Variants in STX1A observed in about 807,000 individuals in gnomAD.
STX1A encodes the protein syntaxin 1A.
STX1A carries 4 observed loss-of-function variants against 37.8 expected under a neutral mutation model. That is an observed-to-expected ratio of 0.11 (90% CI 0.05 to 0.24). The LOEUF (loss-of-function observed/expected upper bound fraction) is 0.24. Among genes scored for constraint, STX1A ranks in the 10% least tolerant of loss-of-function variants. The probability of loss-of-function intolerance (pLI) is 1.00; values close to 1 mark genes in which losing one functional copy is unlikely to be tolerated. For missense variants in STX1A, 251 were observed against 399.9 expected (o/e 0.63, Z 3.18); for synonymous variants, 135 against 147.4 (o/e 0.92, Z 0.61).
rs781963447 is a variant in STX1A, at chr7:73,700,385, G to A, written c.*22C>T. ...CTCCTTGGAGTGGCCCACCTGGAGT[G>A]GAGTGGCAGTTTGGGTGGCTTCTAG... is the stretch of plus-strand genomic sequence containing the variant. On this transcript the variant is annotated 3_prime_UTR_variant, in exon 10 of 10. Coordinates refer to ENST00000222812, the MANE Select transcript of STX1A (RefSeq NM_004603.4). This position sits in a 1 kb window ranked among gnomAD's most constrained non-coding sequence, Gnocchi z 4.4. 4.3e-6 allele frequency: 7 copies of A among 1,613,306 alleles called. No homozygotes were observed. Among genetic ancestry groups the A allele is most frequent in the Non-Finnish European group, 5.1e-6 (6 of 1,179,322 alleles).
chr7:73,705,126 C>T lies in STX1A; in HGVS notation c.283+24G>A. 6.2e-7 allele frequency: 1 copy of T among 1,612,316 alleles called. No homozygotes were observed. Among genetic ancestry groups the T allele is most frequent in the Non-Finnish European group, 8.5e-7 (1 of 1,178,350 alleles). On this transcript the variant is annotated intron_variant, in intron 4 of 9. Coordinates refer to ENST00000222812, the MANE Select transcript of STX1A (RefSeq NM_004603.4). The surrounding 1 kb of genome is among the most constrained non-coding windows in gnomAD (Gnocchi z 5.2). ...AAGCAGGCCTAGAATGCCCCCCACC[C>T]ACCCCCAGACAAGCCTGACTCACTC...
rs938670401 is a variant in STX1A, at chr7:73,700,205, G to T, written c.*202C>A. The T allele has an allele frequency of 4.8e-6, 3 of 620,620 alleles. No individual in the cohort carries two copies. The highest frequency in any genetic ancestry group is 8.6e-6 in the Non-Finnish European group (3 of 349,016). 38.4% of individuals were successfully genotyped at this position (620,620 alleles called of 1,614,324 possible). ...TGGCTGCCTCCCTCTGCCTCTTCCCGTACAGACGCACACTCACAGAGATCA... is the reference window on the plus strand; with the variant it reads ...TGGCTGCCTCCCTCTGCCTCTTCCCTTACAGACGCACACTCACAGAGATCA... On this transcript the variant is annotated 3_prime_UTR_variant, in exon 10 of 10. Transcript: ENST00000222812. The surrounding 1 kb of genome is among the most constrained non-coding windows in gnomAD (Gnocchi z 4.4).
At chr7:73,712,330 C>T (rs1465878042) in intron 1 of STX1A, among the ~76,000 whole-genome samples, 1 of 150,600 alleles carries the variant, frequency 6.6e-6, no homozygotes, top group African/African-American at 2.5e-5. Flanking sequence ...CACTCCCCCA[C>T]ACCTACAACT....
At chr7:73,712,249 T>A (rs1799129942) in intron 1 of STX1A, among the ~76,000 whole-genome samples, 1 of 152,092 alleles carries the variant, frequency 6.6e-6, no homozygotes, top group Non-Finnish European at 1.5e-5. Context: ...GTCCTTCTAC[T>A]TCTTCGTTCT....
chr7:73,701,022 T>C, intron 8 of STX1A, 182 bp from the exon 9 acceptor site: 1 of 1,223,000 alleles, frequency 8.2e-7, no homozygotes. Flanking sequence ...CCAGGCAGGC[T>C]CCCCAAGGCA....
intron 1 of STX1A, among the ~76,000 whole-genome samples, chr7:73,718,054 C>T (rs1397132235): frequency 6.6e-6 from 1 of 152,134 alleles, no homozygotes; most frequent in African/African-American, 2.4e-5. Flanking sequence ...CCTCAGGTAA[C>T]CTACCAGGCG....
intron 1 of STX1A, among the ~76,000 whole-genome samples, chr7:73,714,981 C>A (rs1237579566): frequency 1.3e-5 from 2 of 151,926 alleles, no homozygotes; most frequent in African/African-American, 4.8e-5. Flanking sequence ...AAAAATTAGC[C>A]GGGTGTGATG....
chr7:73,709,221 C>A lies in STX1A; in HGVS notation c.31-99G>T, dbSNP rs143242048. The A allele has an allele frequency of 1.3e-3, 1,622 of 1,240,124 alleles. 18 individuals are homozygous for A. The African/African-American group carries it at 0.019, about 14-fold the overall frequency. The allele number at this position is 1,240,124 out of a possible 1,614,324, so 76.8% of individuals were successfully genotyped here. On this transcript the variant is annotated intron_variant, in intron 1 of 9. Coordinates refer to ENST00000222812, the MANE Select transcript of STX1A (RefSeq NM_004603.4). The surrounding 1 kb of genome is among the most constrained non-coding windows in gnomAD (Gnocchi z 4.2). ...CAGCGCCAGGGCCCTGCCCCTCCCCCTCTCCCTGGGGGCCTCTGGGCAGGG... is the reference window on the plus strand; with the variant it reads ...CAGCGCCAGGGCCCTGCCCCTCCCCATCTCCCTGGGGGCCTCTGGGCAGGG...
At chr7:73,704,085 A>C (rs1798776236) in intron 6 of STX1A, 63 bp downstream of exon 6, 1 of 1,503,912 alleles carries the variant, frequency 6.6e-7, no homozygotes, top group Non-Finnish European at 9.0e-7. Context: ...CGCACTCAGC[A>C]GCAGACTCGG....
intron 1 of STX1A, chr7:73,716,574 G>A (rs914758530): frequency 2.0e-5 from 3 of 152,456 alleles, no homozygotes; most frequent in East Asian, 1.9e-4. Context: ...CCCCTCCTTT[G>A]GATCACCTTC....
intron 2 of STX1A, 77 bp downstream of exon 2, chr7:73,708,968 T>C: frequency 1.3e-6 from 2 of 1,529,842 alleles, no homozygotes; most frequent in South Asian, 2.2e-5. Flanking sequence ...GAAAGAGCAC[T>C]GAACCTGGCT....
At chr7:73,713,232 C>T (rs1799167748) in intron 1 of STX1A, among the ~76,000 whole-genome samples, 1 of 152,220 alleles carries the variant, frequency 6.6e-6, no homozygotes, top group African/African-American at 2.4e-5. Context: ...TAGAGATGTC[C>T]TCCAGATTCA....
Position 73,700,620 on chromosome 7 carries a change from T to C in STX1A, c.789+110A>G, listed in dbSNP as rs1299370161. On this transcript the variant is annotated intron_variant, in intron 9 of 9. Coordinates refer to ENST00000222812, the MANE Select transcript of STX1A (RefSeq NM_004603.4). The surrounding 1 kb of genome is among the most constrained non-coding windows in gnomAD (Gnocchi z 4.4). ...GTGACGGCCTGGGAGGGGGCTGTCA[T>C]GGGGAGCTCCTGAGAGAAGGGAGAG... 19 of 1,476,160 alleles carry C rather than the reference T, an allele frequency of 1.3e-5. No homozygotes were observed. The highest frequency in any genetic ancestry group is 3.9e-5 in the Admixed American group (2 of 51,514). 91.4% of individuals were successfully genotyped at this position (1,476,160 alleles called of 1,614,324 possible). A position where few individuals can be genotyped will look rare whatever the true frequency, so the allele number is the denominator to read the frequency against.
intron 1 of STX1A, among the ~76,000 whole-genome samples, chr7:73,718,942 G>C (rs1188680834): frequency 6.9e-6 from 1 of 144,778 alleles, no homozygotes; most frequent in Non-Finnish European, 1.5e-5. Flanking sequence ...TGGATAGGTG[G>C]ACCGGGGGCG....
In STX1A at chr7:73,700,592, A is replaced by G; in HGVS notation, c.790-108T>C. 1 of 1,501,724 alleles carries G rather than the reference A, an allele frequency of 6.7e-7. No homozygotes were observed. The highest frequency in any genetic ancestry group is 9.1e-7 in the Non-Finnish European group (1 of 1,100,768). 93.0% of individuals were successfully genotyped at this position (1,501,724 alleles called of 1,614,324 possible). A position where few individuals can be genotyped will look rare whatever the true frequency, so the allele number is the denominator to read the frequency against. On this transcript the variant is annotated intron_variant, in intron 9 of 9. Coordinates refer to ENST00000222812, the MANE Select transcript of STX1A (RefSeq NM_004603.4). The surrounding 1 kb of genome is among the most constrained non-coding windows in gnomAD (Gnocchi z 4.4). ...CAGTCGGGGGGGATCCAAGCAGGGG[A>G]AGGTGACGGCCTGGGAGGGGGCTGT...
chr7:73,704,985 A>G, intron 4 of STX1A, 165 bp downstream of exon 4: 1 of 733,674 alleles, frequency 1.4e-6, no homozygotes, highest in Non-Finnish European at 2.4e-6. Flanking sequence ...TCTGGCACCA[A>G]CGGGCCTTGC....
intron 6 of STX1A, 82 bp downstream of exon 6, chr7:73,704,066 C>A: frequency 6.9e-7 from 1 of 1,456,086 alleles, no homozygotes; most frequent in South Asian, 1.3e-5. Context: ...AAGCAGCAGC[C>A]TTGAGCCACG....
chr7:73,717,484 C>T lies in STX1A; in HGVS notation c.30+2118G>A, dbSNP rs1799329395. 6.6e-6 allele frequency among the ~76,000 whole-genome samples: 1 copy of T among 152,154 alleles called. No homozygotes were observed. The highest frequency in any genetic ancestry group is 1.5e-5 in the Non-Finnish European group (1 of 68,004). On this transcript the variant is annotated intron_variant, in intron 1 of 9. Coordinates refer to ENST00000222812, the MANE Select transcript of STX1A (RefSeq NM_004603.4). The surrounding 1 kb of genome is among the most constrained non-coding windows in gnomAD (Gnocchi z 4.1). The stretch of plus-strand genomic sequence containing the variant: ...AACTGAATTCTAGGCTTTCCCATCC[C>T]CACTTCACAGATGGGAACCCTAGGT...
chr7:73,707,809 C>T (rs1554617239), intron 3 of STX1A, among the ~76,000 whole-genome samples: 2 of 151,844 alleles, frequency 1.3e-5, no homozygotes, highest in African/African-American at 4.8e-5. Context: ...GTGGCGCATG[C>T]CTGTAATCCC....
Sources: allele counts gnomAD v4.1 joint callset (sites outside exome capture counted in the v4.1 genomes callset), GRCh38; gene constraint gnomAD v4.1.1; non-coding constraint Gnocchi (gnomAD v3.1); transcripts MANE v1.5; gene names NCBI Gene and HGNC (gene_info 2026-07-23, HGNC 2026-07-21).